Variants in DNAAF4 observed in about 807,000 individuals in gnomAD.
The protein encoded by DNAAF4 is dynein axonemal assembly factor 4.
A neutral mutation model predicts 51.8 loss-of-function variants in DNAAF4; 43 were observed. The ratio of observed to expected loss-of-function variants is 0.83; its 90% CI spans 0.65 to 1.07. DNAAF4 has a LOEUF of 1.07. Among genes scored for constraint, DNAAF4 ranks in the 50% least tolerant of loss-of-function variants. The pLI is 0.00. For missense variants in DNAAF4, 581 were observed against 493.0 expected (o/e 1.18, Z -1.69); for synonymous variants, 194 against 165.6 (o/e 1.17, Z -1.32).
intron 6 of DNAAF4, among the ~76,000 whole-genome samples, chr15:55,441,650 G>A (rs527693784): frequency 6.6e-6 from 1 of 151,512 alleles, no homozygotes; most frequent in Non-Finnish European, 1.5e-5. Context: ...ACCTATGAGT[G>A]AGAACATGTG....
chr15:55,496,100 C>G (rs1027116498), intron 3 of DNAAF4, among the ~76,000 whole-genome samples: 1 of 152,018 alleles, frequency 6.6e-6, no homozygotes, highest in South Asian at 2.1e-4. Flanking sequence ...CGTGGTGGCA[C>G]GTGCCTGTAG....
chr15:55,472,340 G>A (rs866596812), intron 4 of DNAAF4, among the ~76,000 whole-genome samples: 8 of 152,128 alleles, frequency 5.3e-5, no homozygotes, highest in Admixed American at 1.3e-4. Flanking sequence ...CTGGAGGCCC[G>A]GGGGCAGTGG....
chr15:55,460,273 A>G (rs1229247376), intron 5 of DNAAF4, among the ~76,000 whole-genome samples: 2 of 149,276 alleles, frequency 1.3e-5, no homozygotes, highest in East Asian at 4.1e-4. Flanking sequence ...CTCCACCTCC[A>G]GATTCATGCA....
At chr15:55,444,543 A>G (rs2057765587) in intron 6 of DNAAF4, among the ~76,000 whole-genome samples, 1 of 152,154 alleles carries the variant, frequency 6.6e-6, no homozygotes, top group Non-Finnish European at 1.5e-5. Flanking sequence ...TTTTGGTTCC[A>G]TATGAACTTT....
rs540084444 is a variant in DNAAF4, at chr15:55,502,958, C to A, written c.-255-4374G>T. 1.2e-3 allele frequency among the ~76,000 whole-genome samples: 177 copies of A among 152,018 alleles called. 1 individual carries two copies. Among genetic ancestry groups the A allele is most frequent in the Non-Finnish European group, 2.1e-3 (143 of 67,958 alleles). ...CTGAAGGAGATAGAGACACAAAAAA[C>A]CATTCAAAAAAATCAGTGAATCCAG... On this transcript the variant is annotated intron_variant, in intron 1 of 9. Transcript: ENST00000321149.
chr15:55,449,039 G>T (rs2057889355), intron 6 of DNAAF4, among the ~76,000 whole-genome samples: 1 of 150,170 alleles, frequency 6.7e-6, no homozygotes, highest in Non-Finnish European at 1.5e-5. Flanking sequence ...ACCCAGGCTG[G>T]AGTGAAATGG....
intron 4 of DNAAF4, among the ~76,000 whole-genome samples, chr15:55,483,024 G>C (rs2141561071): frequency 6.6e-6 from 1 of 152,292 alleles, no homozygotes; most frequent in East Asian, 1.9e-4. Flanking sequence ...AGTAGATTCT[G>C]TCTCCTCCAG....
chr15:55,422,154 A>G (rs2141381871), intron 7 of DNAAF4, among the ~76,000 whole-genome samples: 1 of 152,210 alleles, frequency 6.6e-6, no homozygotes, highest in South Asian at 2.1e-4. Flanking sequence ...TGTATAGAAC[A>G]TGCCAAGTGA....
chr15:55,451,699 G>A (rs1357711332), intron 5 of DNAAF4, among the ~76,000 whole-genome samples: 1 of 150,736 alleles, frequency 6.6e-6, no homozygotes, highest in East Asian at 2.0e-4. Flanking sequence ...CTGCAGCTTT[G>A]AACCCCTTGG....
chr15:55,427,062 T>G (rs1394126902), downstream of DNAAF4, among the ~76,000 whole-genome samples: 2 of 151,818 alleles, frequency 1.3e-5, no homozygotes, highest in African/African-American at 2.4e-5. Context: ...GTTTTTTTGT[T>G]TTTTTTTGTT....
intron 6 of DNAAF4, among the ~76,000 whole-genome samples, chr15:55,445,931 A>G (rs867696695): frequency 0.037 from 1,371 of 36,700 alleles, no homozygotes; most frequent in South Asian, 0.045. Flanking sequence ...GGGGCGGCCG[A>G]GCAGAGGCGC....
rs370124586 is a variant in DNAAF4, at chr15:55,422,905, G to A, written c.1048-4772C>T. Among the ~76,000 whole-genome samples the A allele has an allele frequency of 2.0e-5, 3 of 152,044 alleles. No individual in the cohort carries two copies. The South Asian group carries it at 6.2e-4, about 32-fold the overall frequency. ...CCAGCTACTCGGGAGGCTGAGGCAG[G>A]AGAATCGCTTGAACCCAGGAGGCAG... On this transcript the variant is annotated intron_variant, in intron 7 of 7. Coordinates refer to the DNAAF4 transcript ENST00000448430.
chr15:55,469,770 G>A (rs985296281), intron 4 of DNAAF4, among the ~76,000 whole-genome samples: 18 of 151,690 alleles, frequency 1.2e-4, no homozygotes, highest in African/African-American at 3.6e-4. Context: ...GATTACAGGC[G>A]TGAGCCACTG....
At position 55,433,898 on chromosome 15, in the gene DNAAF4, TA is replaced by T. The variant is rs1181115876; in HGVS notation, c.1047+1006del. Among the ~76,000 whole-genome samples the T allele has an allele frequency of 1.8e-4, 8 of 44,800 alleles. No homozygotes were observed. In the South Asian group the frequency reaches 3.4e-3, roughly 19 times the overall value. 29.4% of individuals were successfully genotyped at this position (44,800 alleles called of 152,430 possible). A position where few individuals can be genotyped will look rare whatever the true frequency, so the allele number is the denominator to read the frequency against. On this transcript the variant is annotated intron_variant, in intron 8 of 9. Transcript: ENST00000321149. ...TATTACATATATTATATATATATTA[TA>T]TATATTATATATAATTATATATATT...
At position 55,466,940 on chromosome 15, in the gene DNAAF4, A is replaced by C. The variant is rs760601109; in HGVS notation, c.627T>G (p.Leu209=). 7 of 1,583,936 alleles carry C rather than the reference A, an allele frequency of 4.4e-6. No individual in the cohort carries two copies. The South Asian group carries it at 7.2e-5, about 16-fold the overall frequency. ...TCTTAATCATTTTACCTTTTGGAGC[A>C]AGATTTCTAGATGCCAAATTTCTAG... The part of the protein sequence containing the change: ...SLTRNLASRN[L]APKGRNSENI... The change falls in exon 5 of 10, where the codon CTT becomes CTG. Residue 209 remains leucine (L), a synonymous_variant. Transcript: ENST00000321149.
At chr15:55,437,507 G>A (rs754121652) in intron 7 of DNAAF4, among the ~76,000 whole-genome samples, 10 of 151,040 alleles carry the variant, frequency 6.6e-5, no homozygotes, top group East Asian at 1.9e-4. Context: ...AATGCCCCCC[G>A]CCCCCCAAAA....
chr15:55,465,018 T>C (rs779304307), intron 5 of DNAAF4, among the ~76,000 whole-genome samples: 1 of 152,136 alleles, frequency 6.6e-6, no homozygotes, highest in Non-Finnish European at 1.5e-5. Context: ...CACCGCTAAT[T>C]ATTAGGGAAA....
chr15:55,471,247 C>T (rs1182902405), intron 4 of DNAAF4, among the ~76,000 whole-genome samples: 1 of 152,170 alleles, frequency 6.6e-6, no homozygotes, highest in Non-Finnish European at 1.5e-5. Context: ...ATAGCTTGGT[C>T]TTTCTGGTGG....
chr15:55,502,185 A>AAC, intron 1 of DNAAF4, among the ~76,000 whole-genome samples: 1 of 152,276 alleles, frequency 6.6e-6, no homozygotes, highest in African/African-American at 2.4e-5. Context: ...AGCAAGAGAG[A>AAC]ACACACATCA....
Sources: allele counts gnomAD v4.1 joint callset (sites outside exome capture counted in the v4.1 genomes callset), GRCh38; gene constraint gnomAD v4.1.1; transcripts MANE v1.5; gene names NCBI Gene and HGNC (gene_info 2026-07-23, HGNC 2026-07-21).